UNC5D: variants seen among roughly 807,000 people sequenced by gnomAD.
UNC5D encodes the protein unc-5 netrin receptor D.
Under a neutral mutation model 105.4 loss-of-function variants are expected in UNC5D, and 39 were observed. The observed-to-expected ratio is 0.37, with a 90% CI of 0.29 to 0.48. The LOEUF (loss-of-function observed/expected upper bound fraction) is 0.48, where lower values mean the gene tolerates loss of function less well. UNC5D is among the 20% of genes least tolerant of loss of function. The pLI, the probability that UNC5D is intolerant of heterozygous loss-of-function variation, is 0.98. For synonymous variants in UNC5D, 452 were observed against 450.4 expected (o/e 1.00, Z -0.04); for missense variants, 991 against 1,202.4 (o/e 0.82, Z 2.60).
intron 1 of UNC5D, among the ~76,000 whole-genome samples, chr8:35,539,070 C>T (rs1392257860): frequency 1.3e-5 from 2 of 151,916 alleles, no homozygotes; most frequent in Non-Finnish European, 2.9e-5. Context: ...CACTGACACA[C>T]CTGCAATCAT....
chr8:35,488,526 G>A (rs1332063060), intron 1 of UNC5D, among the ~76,000 whole-genome samples: 1 of 152,164 alleles, frequency 6.6e-6, no homozygotes, highest in Non-Finnish European at 1.5e-5. Context: ...TTGGGGACTG[G>A]GCTGCTTTCC....
chr8:35,556,771 C>T (rs1293133457), intron 2 of UNC5D, among the ~76,000 whole-genome samples: 1 of 152,198 alleles, frequency 6.6e-6, no homozygotes, highest in East Asian at 1.9e-4. Flanking sequence ...ACTCCCAAGT[C>T]TGGGTTTGTT....
At chr8:35,301,876 T>C (rs1445866917) in intron 1 of UNC5D, among the ~76,000 whole-genome samples, 1 of 152,206 alleles carries the variant, frequency 6.6e-6, no homozygotes, top group Non-Finnish European at 1.5e-5. Context: ...GGAAAATCTC[T>C]TGGGTAAATA....
chr8:35,681,319 G>A (rs1241817070), intron 4 of UNC5D, among the ~76,000 whole-genome samples: 1 of 152,060 alleles, frequency 6.6e-6, no homozygotes, highest in Non-Finnish European at 1.5e-5. Context: ...CTTATATTTT[G>A]GTGAGAATGT....
chr8:35,412,476 A>T (rs528458560), intron 1 of UNC5D, among the ~76,000 whole-genome samples: 1 of 151,988 alleles, frequency 6.6e-6, no homozygotes, highest in Non-Finnish European at 1.5e-5. Flanking sequence ...ACAAAAAAAA[A>T]AAAGCACTGA....
intron 2 of UNC5D, among the ~76,000 whole-genome samples, chr8:35,559,216 C>G (rs887921179): frequency 1.3e-5 from 2 of 152,142 alleles, no homozygotes; most frequent in African/African-American, 4.8e-5. Context: ...TCCCGGAAAA[C>G]AGGCACCAAG....
intron 14 of UNC5D, among the ~76,000 whole-genome samples, chr8:35,760,913 G>T (rs1196811563): frequency 1.3e-5 from 2 of 151,924 alleles, no homozygotes; most frequent in Non-Finnish European, 1.5e-5. Context: ...TAAAATTCAG[G>T]ATTTTTAAAC....
At chr8:35,413,291 G>GTGTGT (rs1554525297) in intron 1 of UNC5D, among the ~76,000 whole-genome samples, 1 of 6,694 alleles carries the variant, frequency 1.5e-4, no homozygotes, top group Admixed American at 2.3e-3. Context: ...GTGTGTGTGT[G>GTGTGT]TTGTGTGTGT....
chr8:35,275,398 A>G (rs188890166), intron 1 of UNC5D, among the ~76,000 whole-genome samples: 17 of 152,296 alleles, frequency 1.1e-4, no homozygotes, highest in Non-Finnish European at 2.2e-4. Flanking sequence ...AAAAAATTCC[A>G]TAAATATAAA....
chr8:35,286,026 G>A (rs1462035900), intron 1 of UNC5D, among the ~76,000 whole-genome samples: 1 of 152,052 alleles, frequency 6.6e-6, no homozygotes, highest in Non-Finnish European at 1.5e-5. Context: ...CGATTTATGA[G>A]GCCCCAAAGT....
chr8:35,735,696 G>T (rs551971693), intron 11 of UNC5D, among the ~76,000 whole-genome samples: 1 of 152,334 alleles, frequency 6.6e-6, no homozygotes, highest in South Asian at 2.1e-4. Context: ...AGAAAGGATA[G>T]AATTTCATTC....
At chr8:35,320,197 C>T (rs900295222) in intron 1 of UNC5D, among the ~76,000 whole-genome samples, 2 of 151,532 alleles carry the variant, frequency 1.3e-5, no homozygotes, top group Non-Finnish European at 2.9e-5. Context: ...AAAGGCAGGA[C>T]AATTCGAAGT....
intron 1 of UNC5D, among the ~76,000 whole-genome samples, chr8:35,286,275 A>G (rs768444518): frequency 6.6e-6 from 1 of 152,228 alleles, no homozygotes; most frequent in African/African-American, 2.4e-5. Context: ...CAGAAATCCA[A>G]CTAGCAACTA....
At chr8:35,379,915 C>T (rs1194674043) in intron 1 of UNC5D, among the ~76,000 whole-genome samples, 1 of 151,884 alleles carries the variant, frequency 6.6e-6, no homozygotes, top group East Asian at 1.9e-4. Flanking sequence ...TCGTCTTAGG[C>T]AGCTCCTGCT....
At chr8:35,678,220 G>A (rs1240641679) in intron 4 of UNC5D, among the ~76,000 whole-genome samples, 4 of 152,084 alleles carry the variant, frequency 2.6e-5, no homozygotes, top group Admixed American at 1.3e-4. Context: ...CATCTCTTCT[G>A]GAGTTGTGCA....
intron 1 of UNC5D, among the ~76,000 whole-genome samples, chr8:35,395,600 G>C (rs1804045577): frequency 6.6e-6 from 1 of 152,048 alleles, no homozygotes; most frequent in Non-Finnish European, 1.5e-5. Context: ...AGCTGGAGGG[G>C]TCATGATTAA....
At chr8:35,304,310 GA>G (rs896976944) in intron 1 of UNC5D, among the ~76,000 whole-genome samples, 4 of 149,848 alleles carry the variant, frequency 2.7e-5, no homozygotes, top group Admixed American at 6.7e-5. Flanking sequence ...CTCTACTTAG[GA>G]AAAAAAAAGT....
chr8:35,766,875 C>T, intron 14 of UNC5D, 27 bp from the exon 15 acceptor site: 1 of 1,597,018 alleles, frequency 6.3e-7, no homozygotes, highest in South Asian at 1.1e-5. Context: ...CTCTGCACAC[C>T]ATCCCTTCTC....
chr8:35,763,670 A>G (rs959811366), intron 14 of UNC5D, among the ~76,000 whole-genome samples: 3 of 152,316 alleles, frequency 2.0e-5, no homozygotes, highest in Admixed American at 2.0e-4. Flanking sequence ...AGTACCTGTG[A>G]ACTCCAGAGT....
Sources: gnomAD v4.1 joint callset for allele counts (sites outside exome capture counted in the v4.1 genomes callset) on GRCh38, gnomAD v4.1.1 for gene constraint, MANE v1.5 for transcripts, NCBI Gene and HGNC (gene_info 2026-07-23, HGNC 2026-07-21) for gene names.